GADL1: variants seen among roughly 807,000 people sequenced by gnomAD.
The protein encoded by GADL1 is acidic amino acid decarboxylase GADL1.
In GADL1, 71 loss-of-function variants were observed where a neutral mutation model predicts 69.5. The ratio of observed to expected loss-of-function variants is 1.02; its 90% confidence interval spans 0.84 to 1.25. The LOEUF (loss-of-function observed/expected upper bound fraction) is 1.25. Ranked by LOEUF, GADL1 falls within the 50% of genes most tolerant of loss-of-function variation. The probability of loss-of-function intolerance (pLI) is 0.00; values close to 1 mark genes in which losing one functional copy is unlikely to be tolerated. For missense variants in GADL1, 737 were observed against 631.8 expected (o/e 1.17, Z -1.79); for synonymous variants, 254 against 214.4 (o/e 1.18, Z -1.62).
rs143346002 is a variant in GADL1 at position 30,813,729 on chromosome 3, G to A, written c.1051-12641C>T. Among the ~76,000 whole-genome samples, 471 of 152,280 alleles carry A rather than the reference G, an allele frequency of 3.1e-3. 6 individuals are homozygous for A. The highest frequency in any genetic ancestry group is 0.011 in the African/African-American group (444 of 41,550). ...CAAGTTCTGAAACACGAGTTCCCTG[G>A]TCGTCTTTGTATAAATCCCATTGAA... On this transcript the variant is annotated intron_variant, in intron 11 of 14. Coordinates refer to ENST00000282538, the MANE Select transcript of GADL1 (RefSeq NM_207359.3).
At chr3:30,747,346 C>T (rs946365378) in intron 14 of GADL1, among the ~76,000 whole-genome samples, 1 of 152,086 alleles carries the variant, frequency 6.6e-6, no homozygotes, top group African/African-American at 2.4e-5. Flanking sequence ...TGGCTACTGA[C>T]AATAATGAAT....
At chr3:30,837,326 AC>A (rs1332779184) in intron 9 of GADL1, among the ~76,000 whole-genome samples, 2 of 152,132 alleles carry the variant, frequency 1.3e-5, no homozygotes, top group African/African-American at 4.8e-5. Flanking sequence ...TTGATTTGAC[AC>A]CCACAATACT....
At chr3:30,817,938 A>G (rs1385178040) in intron 11 of GADL1, among the ~76,000 whole-genome samples, 1 of 152,240 alleles carries the variant, frequency 6.6e-6, no homozygotes, top group East Asian at 1.9e-4. Context: ...GATAACTGCT[A>G]TGGAACTGGA....
intron 11 of GADL1, among the ~76,000 whole-genome samples, chr3:30,823,584 G>A (rs942226612): frequency 6.6e-6 from 1 of 151,618 alleles, no homozygotes; most frequent in African/African-American, 2.4e-5. Flanking sequence ...TATTCCTAAG[G>A]GTAAATTTTC....
chr3:30,761,466 TG>T (rs922048341), intron 14 of GADL1, among the ~76,000 whole-genome samples: 2 of 130,440 alleles, frequency 1.5e-5, no homozygotes, highest in African/African-American at 5.6e-5. Flanking sequence ...CTACAGAACC[TG>T]GGGGATAGAT....
intron 14 of GADL1, among the ~76,000 whole-genome samples, chr3:30,751,726 TGA>T (rs1330662860): frequency 6.6e-6 from 1 of 152,202 alleles, no homozygotes. Flanking sequence ...ATCTATGCAC[TGA>T]GAAACTGAAC....
At chr3:30,831,454 A>G (rs923653132) in intron 11 of GADL1, among the ~76,000 whole-genome samples, 4 of 151,980 alleles carry the variant, frequency 2.6e-5, no homozygotes, top group African/African-American at 9.7e-5. Flanking sequence ...CAACTAACAG[A>G]TTACCCAATG....
intron 12 of GADL1, among the ~76,000 whole-genome samples, chr3:30,787,799 C>T (rs1034509213): frequency 6.6e-6 from 1 of 152,060 alleles, no homozygotes; most frequent in African/African-American, 2.4e-5. Context: ...AAATAATAAA[C>T]ATAAATGCAG....
rs1225066750 is a variant in GADL1 at position 30,762,774 on chromosome 3, A to G, written c.1392+15405T>C. Among the ~76,000 whole-genome samples, 3 of 152,152 alleles carry G rather than the reference A, an allele frequency of 2.0e-5. No individual in the cohort carries two copies. The East Asian group carries it at 5.8e-4, about 29-fold the overall frequency. On this transcript the variant is annotated intron_variant, in intron 14 of 14. Transcript: ENST00000282538. Reference sequence around the variant, plus strand: ...CCCACTATCCTTCCCACTCTCTGGTAACTATCTTTCTAGTCTCAATTGTTT... The same window carrying G: ...CCCACTATCCTTCCCACTCTCTGGTGACTATCTTTCTAGTCTCAATTGTTT...
At chr3:30,858,323 G>A (rs1053487213) in intron 2 of GADL1, among the ~76,000 whole-genome samples, 1 of 152,054 alleles carries the variant, frequency 6.6e-6, no homozygotes, top group Non-Finnish European at 1.5e-5. Context: ...CCATTAAAAT[G>A]TTTAGGACAG....
At chr3:30,755,052 T>C (rs1159252798) in intron 14 of GADL1, among the ~76,000 whole-genome samples, 1 of 152,184 alleles carries the variant, frequency 6.6e-6, no homozygotes, top group South Asian at 2.1e-4. Flanking sequence ...TCTAGCAAGA[T>C]ATCCAGAGGA....
At position 30,850,037 on chromosome 3, in the gene GADL1, GC is replaced by G; in HGVS notation, c.609del (p.Leu204CysfsTer7). 1 of 1,610,768 alleles carries G rather than the reference GC, an allele frequency of 6.2e-7. No individual in the cohort carries two copies. The highest frequency in any genetic ancestry group is 1.1e-5 in the South Asian group (1 of 91,006). On this transcript the variant is annotated frameshift_variant, in exon 6 of 15. Coordinates refer to ENST00000282538, the MANE Select transcript of GADL1 (RefSeq NM_207359.3). LOFTEE classifies it high-confidence loss of function. ...AGGATTAATCTTGGCGAACCAGACA[GC>G]CCCTTTTCCTTAATATCAGGACAAT... ...YKYCPDIKEK[G>X]LSGSPRLILF...
chr3:30,764,380 CTT>C (rs1222871455), intron 14 of GADL1, among the ~76,000 whole-genome samples: 2 of 152,156 alleles, frequency 1.3e-5, no homozygotes, highest in African/African-American at 2.4e-5. Flanking sequence ...ACATAATTCT[CTT>C]GAGTTATGTA....
intron 1 of GADL1, among the ~76,000 whole-genome samples, chr3:30,864,868 C>A (rs965859611): frequency 3.9e-5 from 6 of 151,960 alleles, no homozygotes; most frequent in Middle Eastern, 3.2e-3. Flanking sequence ...ACTGCAGTAG[C>A]CTCCCAACTA....
At position 30,751,272 on chromosome 3, in the gene GADL1, T is replaced by TG. The variant is rs763327077; in HGVS notation, c.1393-22858dup. Among the ~76,000 whole-genome samples, 223 of 151,984 alleles carry TG rather than the reference T, an allele frequency of 1.5e-3. 5 individuals are homozygous for TG. Among genetic ancestry groups the TG allele is most frequent in the Admixed American group, 9.8e-4 (15 of 15,236 alleles). ...CAATTGGAGGCCTCTAAAGGGCACG[T>TG]GGGGGGTGTTGCCAATTCTTTTGGC... is the stretch of plus-strand genomic sequence containing the variant. On this transcript the variant is annotated intron_variant, in intron 14 of 14. Coordinates refer to ENST00000282538, the MANE Select transcript of GADL1 (RefSeq NM_207359.3).
chr3:30,848,565 G>A (rs1698093211), intron 6 of GADL1, among the ~76,000 whole-genome samples: 1 of 45,418 alleles, frequency 2.2e-5, no homozygotes, highest in South Asian at 7.3e-4. Flanking sequence ...ATCTCAGAAG[G>A]TAAGAAGCTA....
intron 11 of GADL1, among the ~76,000 whole-genome samples, chr3:30,807,196 T>TATCCCCTGACCCCTCCCAGC (rs1697270965): frequency 6.6e-6 from 1 of 152,192 alleles, no homozygotes; most frequent in Non-Finnish European, 1.5e-5. Context: ...AACATTCCAG[T>TATCCCCTGACCCCTCCCAGC]ATCCCCTGAC....
At chr3:30,889,929 C>G (rs916156554) in intron 1 of GADL1, among the ~76,000 whole-genome samples, 2 of 152,120 alleles carry the variant, frequency 1.3e-5, no homozygotes, top group Non-Finnish European at 2.9e-5. Context: ...TATTCACAAT[C>G]CCATCTACCT....
At chr3:30,790,823 A>G (rs1696897350) in intron 12 of GADL1, among the ~76,000 whole-genome samples, 2 of 152,156 alleles carry the variant, frequency 1.3e-5, no homozygotes, top group South Asian at 4.1e-4. Context: ...AACTAGAAAC[A>G]AGATTAATAT....
Sources: allele counts gnomAD v4.1 joint callset (sites outside exome capture counted in the v4.1 genomes callset), GRCh38; gene constraint gnomAD v4.1.1; transcripts MANE v1.5; gene names NCBI Gene and HGNC (gene_info 2026-07-23, HGNC 2026-07-21).